The following ARID4B variants were observed in gnomAD, a reference collection of about 807,000 sequenced individuals.
ARID4B encodes the protein AT-rich interactive domain-containing protein 4B.
A neutral mutation model predicts 147.5 loss-of-function variants in ARID4B; 26 were observed. That is an observed-to-expected ratio of 0.18 (90% CI 0.13 to 0.24). The LOEUF is 0.24. Among genes scored for constraint, ARID4B ranks in the 10% least tolerant of loss-of-function variants. ARID4B has a pLI of 1.00. For missense variants in ARID4B, 1,179 were observed against 1,511.5 expected (o/e 0.78, Z 3.65); for synonymous variants, 512 against 507.9 (o/e 1.01, Z -0.11).
intron 9 of ARID4B, 102 bp downstream of exon 9, chr1:235,234,311 C>T: frequency 1.3e-6 from 1 of 747,566 alleles, no homozygotes; most frequent in Non-Finnish European, 2.3e-6. Flanking sequence ...AAATAAAAGC[C>T]TAAGGTAATT....
intron 17 of ARID4B, among the ~76,000 whole-genome samples, chr1:235,202,555 T>A (rs570668285): frequency 3.1e-4 from 45 of 146,684 alleles, no homozygotes; most frequent in East Asian, 1.4e-3. Context: ...GAAAAAAAAA[T>A]TTTTTTTTTT....
At chr1:235,303,775 G>T (rs1239027526) in intron 2 of ARID4B, among the ~76,000 whole-genome samples, 1 of 152,140 alleles carries the variant, frequency 6.6e-6, no homozygotes, top group Non-Finnish European at 1.5e-5. Flanking sequence ...AAAGCTATAT[G>T]AATCTGACTT....
At chr1:235,274,760 C>G (rs1279420675) in intron 2 of ARID4B, among the ~76,000 whole-genome samples, 1 of 152,194 alleles carries the variant, frequency 6.6e-6, no homozygotes, top group East Asian at 1.9e-4. Context: ...CTCAACTCAG[C>G]TATGGCTACG....
In ARID4B at chr1:235,177,917, T is replaced by C; in HGVS notation, c.3335-4A>G. On this transcript the variant is annotated splice_region_variant and splice_polypyrimidine_tract_variant and intron_variant, in intron 20 of 23. Transcript: ENST00000264183. Reference sequence around the variant, plus strand: ...ACTCTTTTCTGACCTGTACAGGCTATGAAGGGAAAGGAATTAAGTAACACA... The same window carrying C: ...ACTCTTTTCTGACCTGTACAGGCTACGAAGGGAAAGGAATTAAGTAACACA... 3.2e-6 allele frequency: 5 copies of C among 1,540,086 alleles called. No homozygotes were observed. The highest frequency in any genetic ancestry group is 4.4e-6 in the Non-Finnish European group (5 of 1,137,618).
intron 2 of ARID4B, among the ~76,000 whole-genome samples, chr1:235,299,869 T>C (rs1343227844): frequency 6.6e-6 from 1 of 152,190 alleles, no homozygotes; most frequent in African/African-American, 2.4e-5. Context: ...TTTAAACGTA[T>C]GATGCAAAAA....
At chr1:235,204,019 A>G (rs1323976699) in intron 17 of ARID4B, among the ~76,000 whole-genome samples, 1 of 152,188 alleles carries the variant, frequency 6.6e-6, no homozygotes, top group Non-Finnish European at 1.5e-5. Context: ...AAAAAGTAGT[A>G]TATTATTCAA....
chr1:235,299,413 G>C (rs992109943), intron 2 of ARID4B, among the ~76,000 whole-genome samples: 6 of 151,976 alleles, frequency 3.9e-5, no homozygotes, highest in African/African-American at 1.4e-4. Flanking sequence ...GGGGTTTCTT[G>C]AACTCCTGAC....
chr1:235,259,647 T>C (rs1373787275), intron 3 of ARID4B, among the ~76,000 whole-genome samples: 1 of 152,192 alleles, frequency 6.6e-6, no homozygotes, highest in African/African-American at 2.4e-5. Flanking sequence ...GAAGGTAGGG[T>C]GGGGCCAAGA....
intron 17 of ARID4B, among the ~76,000 whole-genome samples, chr1:235,211,759 C>T (rs948723524): frequency 6.6e-6 from 1 of 152,112 alleles, no homozygotes; most frequent in African/African-American, 2.4e-5. Context: ...TTTAAACTAA[C>T]ATATTCTACA....
At chr1:235,182,841 CA>C in intron 19 of ARID4B, 48 bp from the exon 20 acceptor site, 1 of 1,520,702 alleles carries the variant, frequency 6.6e-7, no homozygotes. Flanking sequence ...AGAACACTAG[CA>C]ATGTCTTCTA....
intron 17 of ARID4B, among the ~76,000 whole-genome samples, chr1:235,208,219 C>A (rs1000693255): frequency 6.6e-6 from 1 of 152,152 alleles, no homozygotes; most frequent in African/African-American, 2.4e-5. Flanking sequence ...ACAAAGAAAT[C>A]CAACACACTC....
intron 16 of ARID4B, among the ~76,000 whole-genome samples, chr1:235,214,837 C>CTTTTTTTTTTT (rs10657168): frequency 7.8e-5 from 8 of 102,318 alleles, no homozygotes; most frequent in African/African-American, 2.6e-4. Context: ...GTATTACATC[C>CTTTTTTTTTTT]TTTTTTTTTT....
intron 2 of ARID4B, among the ~76,000 whole-genome samples, chr1:235,323,901 T>C (rs937297120): frequency 6.6e-6 from 1 of 151,734 alleles, no homozygotes; most frequent in Non-Finnish European, 1.5e-5. Context: ...TATTTTATTT[T>C]ATTTAGTTTT....
At chr1:235,175,159 C>T (rs777366685) in intron 22 of ARID4B, 25 bp downstream of exon 22, 1 of 1,581,794 alleles carries the variant, frequency 6.3e-7, no homozygotes, top group Non-Finnish European at 8.7e-7. Flanking sequence ...AGTTTGTATG[C>T]TTGTCAATTT....
At chr1:235,223,374 T>C (rs929456299) in intron 12 of ARID4B, 114 bp from the exon 13 acceptor site, 1 of 250,058 alleles carries the variant, frequency 4.0e-6, no homozygotes, top group African/African-American at 2.5e-5. Flanking sequence ...TACACGTATA[T>C]ATATATATAC....
chr1:235,287,517 A>G (rs549822854), intron 2 of ARID4B, among the ~76,000 whole-genome samples: 2 of 152,316 alleles, frequency 1.3e-5, no homozygotes, highest in East Asian at 3.9e-4. Flanking sequence ...ATGAGAAAGA[A>G]TCTACTTATT....
At chr1:235,321,832 C>T (rs1674858892) in intron 2 of ARID4B, among the ~76,000 whole-genome samples, 1 of 151,886 alleles carries the variant, frequency 6.6e-6, no homozygotes, top group African/African-American at 2.4e-5. Flanking sequence ...CAGATCTATC[C>T]TCTCTGCTCC....
intron 12 of ARID4B, 29 bp from the exon 13 acceptor site, chr1:235,223,289 A>G: frequency 1.7e-6 from 2 of 1,209,932 alleles, no homozygotes; most frequent in Non-Finnish European, 2.3e-6. Context: ...ACTATATTAG[A>G]TCCACACTAC....
chr1:235,259,037 T>C (rs1670146864), intron 3 of ARID4B, among the ~76,000 whole-genome samples: 1 of 152,238 alleles, frequency 6.6e-6, no homozygotes, highest in African/African-American at 2.4e-5. Flanking sequence ...AAATACACTT[T>C]CTTTTTCCTT....
Sources: allele counts gnomAD v4.1 joint callset (sites outside exome capture counted in the v4.1 genomes callset), GRCh38; gene constraint gnomAD v4.1.1; transcripts MANE v1.5; gene names NCBI Gene and HGNC (gene_info 2026-07-23, HGNC 2026-07-21).